Variants in UNKL observed in about 807,000 individuals in gnomAD.
UNKL encodes the protein unk like zinc finger.
In UNKL, 60 loss-of-function variants were observed where a neutral mutation model predicts 78.0. That is an observed-to-expected ratio of 0.77 (90% CI 0.63 to 0.95). The LOEUF (loss-of-function observed/expected upper bound fraction) is 0.95. Ranked by LOEUF, UNKL falls within the 40% of genes least tolerant of loss-of-function variation. The pLI is 0.00. For synonymous variants in UNKL, 608 were observed against 474.8 expected (o/e 1.28, Z -3.65); for missense variants, 1,159 against 1,045.7 (o/e 1.11, Z -1.49).
chr16:1,372,093 A>AC (rs2035899114), intron 10 of UNKL, among the ~76,000 whole-genome samples: 1 of 1,084 alleles, frequency 9.2e-4, no homozygotes, highest in South Asian at 0.071. Flanking sequence ...CGTCTCAACC[A>AC]AAAAAAAAAA....
At chr16:1,366,974 G>A (rs1453774044) in intron 14 of UNKL, 118 bp downstream of exon 14, 35 of 1,428,550 alleles carry the variant, frequency 2.5e-5, no homozygotes, top group Non-Finnish European at 3.0e-5. Flanking sequence ...CCCTAGGCCC[G>A]GAGCAGACCC....
intron 2 of UNKL, among the ~76,000 whole-genome samples, chr16:1,408,180 C>G (rs759811817): frequency 3.3e-5 from 5 of 152,136 alleles, no homozygotes; most frequent in Non-Finnish European, 5.9e-5. Flanking sequence ...TTCTTTACCG[C>G]AATCTGTTTA....
At chr16:1,414,548 G>A in intron 1 of UNKL, 67 bp downstream of exon 1, 1 of 658,774 alleles carries the variant, frequency 1.5e-6, no homozygotes, top group Non-Finnish European at 1.9e-6. Flanking sequence ...GGCGGCGCGA[G>A]CCCCGGCGGG....
chr16:1,392,052 G>A (rs1398970622), intron 8 of UNKL, among the ~76,000 whole-genome samples: 2 of 152,124 alleles, frequency 1.3e-5, no homozygotes, highest in Non-Finnish European at 2.9e-5. Context: ...GTGAAGGCAG[G>A]GTGCCAGCTC....
intron 9 of UNKL, among the ~76,000 whole-genome samples, chr16:1,386,796 T>G (rs1163098350): frequency 2.0e-5 from 3 of 152,058 alleles, no homozygotes; most frequent in Non-Finnish European, 4.4e-5. Flanking sequence ...TGCCCTGGCT[T>G]CCTTCTGGAT....
At chr16:1,388,785 T>G (rs1380357046) in intron 9 of UNKL, among the ~76,000 whole-genome samples, 1 of 150,732 alleles carries the variant, frequency 6.6e-6, no homozygotes, top group Non-Finnish European at 1.5e-5. Flanking sequence ...CCAGCACCGT[T>G]CACACCATGA....
intron 10 of UNKL, among the ~76,000 whole-genome samples, chr16:1,382,575 G>A (rs1385353652): frequency 6.6e-6 from 1 of 152,180 alleles, no homozygotes; most frequent in Non-Finnish European, 1.5e-5. Context: ...TCCGGCAGGT[G>A]CACAACAGAG....
chr16:1,401,059 G>C (rs2037502978), intron 4 of UNKL, among the ~76,000 whole-genome samples: 1 of 152,066 alleles, frequency 6.6e-6, no homozygotes, highest in Admixed American at 6.6e-5. Flanking sequence ...CAGGAATGCA[G>C]GTCCCCCAGC....
chr16:1,367,507 TCCCTCC>T (rs1481673490), intron 13 of UNKL, 143 bp downstream of exon 13: 544 of 26,406 alleles, frequency 0.021, 3 homozygotes, highest in Non-Finnish European at 0.029. Flanking sequence ...CCTCCCTCCC[TCCCTCC>T]CCCTCCCGTC....
intron 14 of UNKL, 22 bp from the exon 15 acceptor site, chr16:1,366,417 G>T: frequency 6.4e-7 from 1 of 1,555,264 alleles, no homozygotes; most frequent in Non-Finnish European, 8.7e-7. Flanking sequence ...GAACAATGAC[G>T]GGCTCAGGAG....
At chr16:1,370,705 C>T (rs2035739891) in intron 11 of UNKL, among the ~76,000 whole-genome samples, 1 of 152,190 alleles carries the variant, frequency 6.6e-6, no homozygotes, top group South Asian at 2.1e-4. Context: ...TGTCCAGGCC[C>T]CCTGAAATGG....
chr16:1,366,605 G>A (rs2035276923), intron 14 of UNKL, among the ~76,000 whole-genome samples: 1 of 152,158 alleles, frequency 6.6e-6, no homozygotes. Context: ...AAGAGCCCTG[G>A]GCAGAGGACA....
At chr16:1,372,190 A>T (rs7188282) in intron 10 of UNKL, among the ~76,000 whole-genome samples, 1 of 152,032 alleles carries the variant, frequency 6.6e-6, no homozygotes, top group Admixed American at 6.5e-5. Context: ...TGTGAACCCC[A>T]GAGGCGGAGC....
At chr16:1,412,837 C>T (rs1453566742) in intron 2 of UNKL, among the ~76,000 whole-genome samples, 1 of 152,016 alleles carries the variant, frequency 6.6e-6, no homozygotes, top group Non-Finnish European at 1.5e-5. Context: ...GAGGGAGGAT[C>T]GCTGTGCCCA....
rs760310327 is a variant in UNKL at position 1,367,198 on chromosome 16, G to T, written c.1940C>A (p.Ser647Tyr). 1 of 1,605,822 alleles carries T rather than the reference G, an allele frequency of 6.2e-7. No homozygotes were observed. Among genetic ancestry groups the T allele is most frequent in the East Asian group, 2.2e-5 (1 of 44,732 alleles). The stretch of plus-strand genomic sequence containing the variant: ...ACAGCCCCGCAGCCCCGGCAGTGTG[G>T]AGGCTACGCCCAGGCCCTCCAGCTC... ...QEELEGLGVASTLPGLRGCGD... is the reference protein window; with the variant it reads ...QEELEGLGVAYTLPGLRGCGD... The change falls in exon 14 of 15, where the codon TCC (serine) becomes TAC (tyrosine). Residue 647 changes from serine (S) to tyrosine (Y), a missense_variant. Ser to Tyr is a moderately radical substitution (Grantham distance 144, BLOSUM62 -2). Coordinates refer to ENST00000389221, the MANE Select transcript of UNKL (RefSeq NM_001372107.1).
At chr16:1,401,523 G>GGGCGC in intron 4 of UNKL, 45 bp downstream of exon 4, 1 of 1,470,346 alleles carries the variant, frequency 6.8e-7, no homozygotes, top group Non-Finnish European at 9.1e-7. Flanking sequence ...CTCGCGCTGT[G>GGGCGC]CCCGCCCCCC....
intron 10 of UNKL, among the ~76,000 whole-genome samples, chr16:1,383,198 G>A (rs1402346879): frequency 6.6e-6 from 1 of 150,916 alleles, no homozygotes; most frequent in African/African-American, 2.4e-5. Flanking sequence ...CGTGAAGTCG[G>A]GAGGCAGAGG....
At position 1,403,513 on chromosome 16, in the gene UNKL, C is replaced by G. The variant is rs563011800; in HGVS notation, c.288-169G>C. ...GACACACTGGACGCAGCACCTGTCC[C>G]CAAATGTGGAACCGCCCAGGTACAC... On this transcript the variant is annotated intron_variant, in intron 2 of 14. Coordinates refer to ENST00000389221, the MANE Select transcript of UNKL (RefSeq NM_001372107.1). The surrounding 1 kb of genome is among the most constrained non-coding windows in gnomAD (Gnocchi z 4.8). 6.6e-6 allele frequency among the ~76,000 whole-genome samples: 1 copy of G among 152,286 alleles called. No homozygotes were observed. Among genetic ancestry groups the G allele is most frequent in the Non-Finnish European group, 1.5e-5 (1 of 68,022 alleles).
intron 10 of UNKL, chr16:1,379,788 T>G (rs1291838021): frequency 1.1e-4 from 81 of 767,094 alleles, no homozygotes; most frequent in Non-Finnish European, 1.1e-4. Context: ...TCCCCCAACC[T>G]TCCCCCCGAC....
Sources: gnomAD v4.1 joint callset for allele counts (sites outside exome capture counted in the v4.1 genomes callset) on GRCh38, gnomAD v4.1.1 for gene constraint, Gnocchi (gnomAD v3.1) non-coding constraint, MANE v1.5 for transcripts, NCBI Gene and HGNC (gene_info 2026-07-23, HGNC 2026-07-21) for gene names.